Variants in SUGCT observed in about 807,000 individuals in gnomAD.
The protein encoded by SUGCT is succinyl-CoA:glutarate-CoA transferase.
SUGCT carries 41 observed loss-of-function variants against 55.0 expected under a neutral mutation model. The observed-to-expected ratio is 0.74, with a 90% CI of 0.58 to 0.97. The LOEUF (loss-of-function observed/expected upper bound fraction) is 0.97. SUGCT is among the 50% of genes least tolerant of loss of function. The pLI is 0.00. For missense variants in SUGCT, 568 were observed against 547.8 expected (o/e 1.04, Z -0.37); for synonymous variants, 187 against 200.4 (o/e 0.93, Z 0.56).
chr7:40,719,532 A>G (rs938705162), intron 12 of SUGCT, among the ~76,000 whole-genome samples: 1 of 152,162 alleles, frequency 6.6e-6, no homozygotes, highest in Non-Finnish European at 1.5e-5. Flanking sequence ...TCTGCAAGCC[A>G]CCAACTTAGG....
At chr7:40,814,510 T>C (rs967622246) in intron 13 of SUGCT, among the ~76,000 whole-genome samples, 2 of 152,064 alleles carry the variant, frequency 1.3e-5, no homozygotes, top group African/African-American at 4.8e-5. Flanking sequence ...GTCAATTATA[T>C]TTTGAAATTC....
At position 40,333,636 on chromosome 7, in the gene SUGCT, C is replaced by CAA. The variant is rs1212001738; in HGVS notation, c.816+16813_816+16814dup. 1.0e-3 allele frequency among the ~76,000 whole-genome samples: 51 copies of CAA among 49,946 alleles called. 1 individual carries two copies. Among genetic ancestry groups the CAA allele is most frequent in the African/African-American group, 1.9e-3 (22 of 11,558 alleles). 32.8% of individuals were successfully genotyped at this position (49,946 alleles called of 152,430 possible). A position where few individuals can be genotyped will look rare whatever the true frequency, so the allele number is the denominator to read the frequency against. ...TGGGTGACAGGGCGAGACTCTGTCT[C>CAA]AAAAAAAAAAAAAAAAAAAAAAAAA... On this transcript the variant is annotated intron_variant, in intron 9 of 13. Transcript: ENST00000335693.
At chr7:40,450,706 G>A (rs960142142) in intron 10 of SUGCT, among the ~76,000 whole-genome samples, 14 of 151,994 alleles carry the variant, frequency 9.2e-5, no homozygotes, top group Admixed American at 4.6e-4. Context: ...CCCGGGAGGC[G>A]GAGGTTGCAG....
intron 6 of SUGCT, among the ~76,000 whole-genome samples, chr7:40,222,793 C>G (rs2150830943): frequency 1.3e-5 from 2 of 152,084 alleles, no homozygotes; most frequent in South Asian, 4.1e-4. Context: ...CCATGCCCAG[C>G]TAATTTTTGT....
chr7:40,300,078 T>C (rs1794442950), intron 8 of SUGCT, among the ~76,000 whole-genome samples: 1 of 152,204 alleles, frequency 6.6e-6, no homozygotes, highest in Non-Finnish European at 1.5e-5. Flanking sequence ...TATAAAATTG[T>C]TGTATAGCAA....
chr7:40,556,213 C>G (rs1032437936), intron 12 of SUGCT, among the ~76,000 whole-genome samples: 1 of 152,224 alleles, frequency 6.6e-6, no homozygotes, highest in South Asian at 2.1e-4. Flanking sequence ...TTGTAACTTT[C>G]TCCAGAGGAC....
the SUGCT span, among the ~76,000 whole-genome samples, chr7:41,020,262 G>T: frequency 6.6e-6 from 1 of 152,148 alleles, no homozygotes; most frequent in Non-Finnish European, 1.5e-5. Flanking sequence ...ATGAACAGAT[G>T]GATACTTTTG....
intron 12 of SUGCT, among the ~76,000 whole-genome samples, chr7:40,685,908 A>G (rs1784443047): frequency 6.6e-6 from 1 of 152,160 alleles, no homozygotes; most frequent in African/African-American, 2.4e-5. Flanking sequence ...AAGTTTTCTT[A>G]TATTAATTCT....
chr7:40,698,701 G>A (rs1014966819), intron 12 of SUGCT, among the ~76,000 whole-genome samples: 1 of 152,184 alleles, frequency 6.6e-6, no homozygotes, highest in Non-Finnish European at 1.5e-5. Flanking sequence ...TAGGGTTGAA[G>A]CATTACATTT....
chr7:40,211,054 G>A (rs1266830341), intron 6 of SUGCT, among the ~76,000 whole-genome samples: 3 of 152,002 alleles, frequency 2.0e-5, no homozygotes. Flanking sequence ...TCGGCTCACT[G>A]TAACCTCCAC....
chr7:40,353,566 A>G (rs2151203473), intron 9 of SUGCT, among the ~76,000 whole-genome samples: 1 of 152,304 alleles, frequency 6.6e-6, no homozygotes, highest in Non-Finnish European at 1.5e-5. Flanking sequence ...TTTAATAAAG[A>G]TAATTTTAGT....
intron 8 of SUGCT, among the ~76,000 whole-genome samples, chr7:40,303,996 C>G (rs1264190491): frequency 6.7e-6 from 1 of 148,196 alleles, no homozygotes. Context: ...TTGCAGTAAG[C>G]TGAGATCGTG....
intron 12 of SUGCT, among the ~76,000 whole-genome samples, chr7:40,658,266 A>G (rs1015859352): frequency 1.3e-5 from 2 of 152,200 alleles, no homozygotes; most frequent in African/African-American, 4.8e-5. Flanking sequence ...CAACTCTGAG[A>G]TAGAGGCATG....
At chr7:41,029,103 T>C in the SUGCT span, among the ~76,000 whole-genome samples, 1 of 152,162 alleles carries the variant, frequency 6.6e-6, no homozygotes, top group Admixed American at 6.5e-5. Context: ...CCTCCCCTGA[T>C]GTCCTCAGTG....
the SUGCT span, among the ~76,000 whole-genome samples, chr7:40,898,465 A>G: frequency 1.6e-4 from 9 of 55,056 alleles, no homozygotes; most frequent in African/African-American, 4.9e-4. Flanking sequence ...CTGTAATCCC[A>G]GCACTCCGGG....
rs1349264837 is a variant in SUGCT at position 40,741,208 on chromosome 7, G to GGTTC, written c.1090-8225_1090-8222dup. ...CACGAGAATTGCCTGAACCCAGGAG[G>GGTTC]GTTCAGTGAGCCGAGATCACGCCAC... On this transcript the variant is annotated intron_variant, in intron 12 of 13. Coordinates refer to ENST00000335693, the MANE Select transcript of SUGCT (RefSeq NM_001193313.2). Among the ~76,000 whole-genome samples the GGTTC allele has an allele frequency of 6.6e-5, 10 of 151,854 alleles. No individual in the cohort carries two copies. In the East Asian group the frequency reaches 1.6e-3, roughly 24 times the overall value.
chr7:40,707,772 A>C (rs1257033363), intron 12 of SUGCT, among the ~76,000 whole-genome samples: 1 of 152,222 alleles, frequency 6.6e-6, no homozygotes, highest in African/African-American at 2.4e-5. Context: ...AGGAATCTCC[A>C]TGGATGTAAG....
chr7:40,833,762 A>G (rs1792817155), intron 13 of SUGCT, among the ~76,000 whole-genome samples: 2 of 151,416 alleles, frequency 1.3e-5, no homozygotes, highest in Admixed American at 1.3e-4. Flanking sequence ...TCCCAGCTGG[A>G]CAGTGGTGAA....
chr7:40,640,695 A>G (rs562402633), intron 12 of SUGCT, among the ~76,000 whole-genome samples: 2 of 152,320 alleles, frequency 1.3e-5, no homozygotes, highest in African/African-American at 4.8e-5. Context: ...CACACCCCCC[A>G]CAAAATTCTT....
Sources: allele counts gnomAD v4.1 joint callset (sites outside exome capture counted in the v4.1 genomes callset), GRCh38; gene constraint gnomAD v4.1.1; transcripts MANE v1.5; gene names NCBI Gene and HGNC (gene_info 2026-07-23, HGNC 2026-07-21).